PLEKHH1: variants seen among roughly 807,000 people sequenced by gnomAD.
PLEKHH1 encodes pleckstrin homology domain-containing family H member 1.
Under a neutral mutation model 160.0 loss-of-function variants are expected in PLEKHH1, and 104 were observed. That is an observed-to-expected ratio of 0.65 (90% CI 0.55 to 0.76). The LOEUF is 0.76. Ranked by LOEUF, PLEKHH1 falls within the 30% of genes least tolerant of loss-of-function variation. PLEKHH1 has a pLI of 0.00. For missense variants in PLEKHH1, 1,427 were observed against 1,724.1 expected, an observed-to-expected ratio of 0.83 and a Z score of 3.05; for synonymous variants, 619 against 678.4, an observed-to-expected ratio of 0.91 and a Z score of 1.36.
Position 67,574,145 on chromosome 14 carries a change from C to A in PLEKHH1, c.1927-97C>A. On this transcript the variant is annotated intron_variant, in intron 13 of 28. Coordinates refer to ENST00000329153, the MANE Select transcript of PLEKHH1 (RefSeq NM_020715.3). This position sits in a 1 kb window ranked among gnomAD's most constrained non-coding sequence, Gnocchi z 4.2. ...AGCACTAGGGCAGGCAGAAGGCCAG[C>A]CCCTTGGGTTCAGGGACAGGTGCCA... 1 of 1,111,410 alleles carries A rather than the reference C, an allele frequency of 9.0e-7. No homozygotes were observed. Among genetic ancestry groups the A allele is most frequent in the Non-Finnish European group, 1.3e-6 (1 of 786,846 alleles). 68.8% of individuals were successfully genotyped at this position (1,111,410 alleles called of 1,614,324 possible). A position where few individuals can be genotyped will look rare whatever the true frequency, so the allele number is the denominator to read the frequency against.
At chr14:67,538,424 A>G (rs1270647748) in intron 1 of PLEKHH1, among the ~76,000 whole-genome samples, 1 of 152,246 alleles carries the variant, frequency 6.6e-6, no homozygotes, top group East Asian at 1.9e-4. Context: ...AGAGAGAAAT[A>G]ACACATGCGT....
Position 67,577,399 on chromosome 14 carries a change from C to G in PLEKHH1, c.2559C>G (p.Ala853=). ...TLPSEALQTE[A]LKLFKSCQLF... is the part of the protein sequence containing the mutation. ...CCTCTGAGGCCTTGCAGACGGAGGCCCTCAAGCTCTTCAAGGTAAATTGGG... is the reference window on the plus strand; with the variant it reads ...CCTCTGAGGCCTTGCAGACGGAGGCGCTCAAGCTCTTCAAGGTAAATTGGG... The change falls in exon 18 of 29, where the codon GCC becomes GCG. Residue 853 remains alanine (A), a synonymous_variant. Coordinates refer to ENST00000329153, the MANE Select transcript of PLEKHH1 (RefSeq NM_020715.3). The G allele has an allele frequency of 6.3e-7, 1 of 1,582,278 alleles. No homozygotes were observed.
At chr14:67,561,922 T>C (rs1210049379) in intron 5 of PLEKHH1, 32 bp from the exon 6 acceptor site, 2 of 1,380,884 alleles carry the variant, frequency 1.4e-6, no homozygotes, top group African/African-American at 1.4e-5. Flanking sequence ...GTAGGCTGGG[T>C]GTCCTAAATC....
chr14:67,583,682 C>G, intron 24 of PLEKHH1, 59 bp from the exon 25 acceptor site: 1 of 1,366,470 alleles, frequency 7.3e-7, no homozygotes, highest in African/African-American at 1.4e-5. Context: ...CTCAACAGCC[C>G]CCACCTGGCC....
chr14:67,554,866 C>A (rs1011894944), intron 2 of PLEKHH1, among the ~76,000 whole-genome samples: 10 of 152,208 alleles, frequency 6.6e-5, no homozygotes, highest in African/African-American at 2.4e-4. Context: ...CCATGCTCCT[C>A]AGCCTTGAGT....
intron 5 of PLEKHH1, among the ~76,000 whole-genome samples, chr14:67,560,879 C>T (rs185486771): frequency 3.3e-5 from 5 of 152,152 alleles, no homozygotes; most frequent in South Asian, 2.1e-4. Context: ...TACAGGCACA[C>T]GCCACCACGC....
Position 67,546,538 on chromosome 14 carries a change from G to A in PLEKHH1, c.126+4545G>A, listed in dbSNP as rs186191780. Among the ~76,000 whole-genome samples the A allele has an allele frequency of 3.0e-3, 462 of 152,124 alleles. 6 individuals carry two copies. The highest frequency in any genetic ancestry group is 0.02 in the South Asian group (96 of 4,820). ...CCCGAGTAGCTGGGATTACAGGCGC[G>A]CGCCACCACGCCCAGCTAATTTTGT... On this transcript the variant is annotated intron_variant, in intron 2 of 28. Transcript: ENST00000329153.
chr14:67,587,603 G>T lies in PLEKHH1; in HGVS notation c.*368G>T, dbSNP rs562853527. On this transcript the variant is annotated 3_prime_UTR_variant, in exon 29 of 29. Coordinates refer to ENST00000329153, the MANE Select transcript of PLEKHH1 (RefSeq NM_020715.3). ...GGAAGCTAATTTTCTTTCTGGGGGG[G>T]GCGGGGGACACAGTGTCACTATGTC... is the stretch of plus-strand genomic sequence containing the variant. The T allele has an allele frequency of 3.5e-5, 10 of 289,048 alleles. No individual in the cohort carries two copies. Among genetic ancestry groups the T allele is most frequent in the Admixed American group, 1.5e-4 (3 of 20,106 alleles). The allele number at this position is 289,048 out of a possible 1,614,324, so 17.9% of individuals were successfully genotyped here.
rs1231290128 is a variant in PLEKHH1 at position 67,588,410 on chromosome 14, T to C, written c.*1175T>C. The C allele has an allele frequency of 6.6e-6, 1 of 152,538 alleles. No individual in the cohort carries two copies. The highest frequency in any genetic ancestry group is 2.4e-5 in the African/African-American group (1 of 41,450). The allele number at this position is 152,538 out of a possible 1,614,324, so 9.4% of individuals were successfully genotyped here. A position where few individuals can be genotyped will look rare whatever the true frequency, so the allele number is the denominator to read the frequency against. On this transcript the variant is annotated 3_prime_UTR_variant, in exon 29 of 29. Coordinates refer to ENST00000329153, the MANE Select transcript of PLEKHH1 (RefSeq NM_020715.3). ...GCCTGGATATGCTCCTTGAGACTTC[T>C]GGCAAACTTCTGCTGGGAATTAGTT...
rs115029087 is a variant in PLEKHH1, at chr14:67,560,384, T to C, written c.423+693T>C. 8.9e-3 allele frequency among the ~76,000 whole-genome samples: 1,353 copies of C among 152,350 alleles called. 23 individuals carry two copies. Among genetic ancestry groups the C allele is most frequent in the African/African-American group, 0.031 (1,298 of 41,576 alleles). On this transcript the variant is annotated intron_variant, in intron 5 of 28. Coordinates refer to ENST00000329153, the MANE Select transcript of PLEKHH1 (RefSeq NM_020715.3). ...CTATTTGTGTGTGTGTGGTAAAATATACATAAAATGTACCATTTAAGTGTA... is the reference window on the plus strand; with the variant it reads ...CTATTTGTGTGTGTGTGGTAAAATACACATAAAATGTACCATTTAAGTGTA...
Position 67,556,803 on chromosome 14 carries a change from T to C in PLEKHH1, c.190-466T>C, listed in dbSNP as rs184626992. 4.4e-4 allele frequency among the ~76,000 whole-genome samples: 67 copies of C among 152,284 alleles called. No individual in the cohort carries two copies. The East Asian group carries it at 0.012, about 28-fold the overall frequency. ...ATGCACCATTTCCACTTGGACCCCATTGGTTGGATCAATGACATGGCTCCA... is the reference window on the plus strand; with the variant it reads ...ATGCACCATTTCCACTTGGACCCCACTGGTTGGATCAATGACATGGCTCCA... On this transcript the variant is annotated intron_variant, in intron 3 of 28. Coordinates refer to ENST00000329153, the MANE Select transcript of PLEKHH1 (RefSeq NM_020715.3).
intron 22 of PLEKHH1, among the ~76,000 whole-genome samples, chr14:67,580,503 T>G (rs1447662943): frequency 6.6e-6 from 1 of 152,244 alleles, no homozygotes; most frequent in Non-Finnish European, 1.5e-5. Context: ...GCTTCTATGG[T>G]CTTTTAACAT....
At chr14:67,543,023 C>G (rs1265354150) in intron 2 of PLEKHH1, among the ~76,000 whole-genome samples, 3 of 152,208 alleles carry the variant, frequency 2.0e-5, no homozygotes, top group East Asian at 3.8e-4. Context: ...AAGATACATT[C>G]TAAACTGCTA....
chr14:67,575,342 C>T (rs1162184606), intron 14 of PLEKHH1, 50 bp from the exon 15 acceptor site: 1 of 1,134,146 alleles, frequency 8.8e-7, no homozygotes, highest in Admixed American at 2.0e-5. Context: ...CCTGGATTTA[C>T]TTCTAGAGTT....
intron 9 of PLEKHH1, chr14:67,571,425 C>T: frequency 4.1e-6 from 1 of 246,188 alleles, no homozygotes; most frequent in Non-Finnish European, 8.1e-6. Context: ...ATTTTTAAAG[C>T]TCGCATGGCA....
intron 2 of PLEKHH1, among the ~76,000 whole-genome samples, chr14:67,546,571 G>T (rs1352544951): frequency 6.6e-6 from 1 of 152,032 alleles, no homozygotes. Context: ...TGTATTTTTG[G>T]TAGAGATGGA....
intron 2 of PLEKHH1, among the ~76,000 whole-genome samples, chr14:67,554,750 G>A (rs539483287): frequency 2.6e-5 from 4 of 152,254 alleles, no homozygotes; most frequent in South Asian, 4.1e-4. Context: ...CTGTGGGCTC[G>A]TGAGCAGCTC....
intron 7 of PLEKHH1, among the ~76,000 whole-genome samples, chr14:67,565,217 T>C (rs1216965843): frequency 6.6e-6 from 1 of 152,090 alleles, no homozygotes; most frequent in Admixed American, 6.6e-5. Context: ...CAAGGTCATG[T>C]AGTAGTTAGT....
Position 67,578,664 on chromosome 14 carries a change from GA to G in PLEKHH1, c.2849+34del. On this transcript the variant is annotated intron_variant, in intron 20 of 28. Transcript: ENST00000329153. This position sits in a 1 kb window ranked among gnomAD's most constrained non-coding sequence, Gnocchi z 5.0. Reference sequence around the variant, plus strand: ...AACCTGGCCGTTTCCTCTGCCACTTGAGCACTGCCAACTGCCGCATGAATAA... The same window carrying G: ...AACCTGGCCGTTTCCTCTGCCACTTGGCACTGCCAACTGCCGCATGAATAA... 7.5e-7 allele frequency: 1 copy of G among 1,332,882 alleles called. No individual in the cohort carries two copies. Among genetic ancestry groups the G allele is most frequent in the Non-Finnish European group, 1.1e-6 (1 of 942,832 alleles). 82.6% of individuals were successfully genotyped at this position (1,332,882 alleles called of 1,614,324 possible). A position where few individuals can be genotyped will look rare whatever the true frequency, so the allele number is the denominator to read the frequency against.
Sources: allele counts gnomAD v4.1 joint callset (sites outside exome capture counted in the v4.1 genomes callset), GRCh38; gene constraint gnomAD v4.1.1; non-coding constraint Gnocchi (gnomAD v3.1); transcripts MANE v1.5; gene names NCBI Gene and HGNC (gene_info 2026-07-23, HGNC 2026-07-21).